Variants in OLFM2 observed in about 807,000 individuals in gnomAD.
OLFM2 encodes the protein olfactomedin 2, also known as noelin-2.
Under a neutral mutation model 43.9 loss-of-function variants are expected in OLFM2, and 20 were observed. The ratio of observed to expected loss-of-function variants is 0.46; its 90% CI spans 0.32 to 0.66. The LOEUF is 0.66. Among genes scored for constraint, OLFM2 ranks in the 30% least tolerant of loss-of-function variants. The probability of loss-of-function intolerance (pLI) is 0.04; values close to 1 mark genes in which losing one functional copy is unlikely to be tolerated. For missense variants in OLFM2, 416 were observed against 643.6 expected (o/e 0.65, Z 3.83); for synonymous variants, 268 against 278.6 (o/e 0.96, Z 0.38).
At chr19:9,927,379 C>T (rs967304028) in intron 1 of OLFM2, among the ~76,000 whole-genome samples, 2 of 152,188 alleles carry the variant, frequency 1.3e-5, no homozygotes, top group African/African-American at 2.4e-5. Flanking sequence ...TTCAAGCTCA[C>T]TTCCCTTCTC....
intron 2 of OLFM2, among the ~76,000 whole-genome samples, chr19:9,858,342 A>G (rs1024286766): frequency 4.1e-5 from 6 of 146,428 alleles, no homozygotes; most frequent in Non-Finnish European, 5.9e-5. Flanking sequence ...TGTTCCCCCA[A>G]GTTCCCATGG....
intron 1 of OLFM2, among the ~76,000 whole-genome samples, chr19:9,900,991 G>GAA (rs78793783): frequency 6.3e-4 from 37 of 58,672 alleles, no homozygotes; most frequent in East Asian, 1.8e-3. Flanking sequence ...AGGAAGGAAG[G>GAA]GAGGGAGGGG....
At chr19:9,934,831 A>AT (rs1377887593) in intron 1 of OLFM2, among the ~76,000 whole-genome samples, 2 of 152,138 alleles carry the variant, frequency 1.3e-5, no homozygotes, top group African/African-American at 4.8e-5. Flanking sequence ...AAATCCTTCT[A>AT]TCTGGAGTCT....
At chr19:9,882,183 T>G (rs905696980) in intron 1 of OLFM2, among the ~76,000 whole-genome samples, 1 of 150,152 alleles carries the variant, frequency 6.7e-6, no homozygotes, top group Non-Finnish European at 1.5e-5. Context: ...AAGGCTGCAG[T>G]GAGCTGTGAT....
At chr19:9,865,485 CTTTTT>C (rs71188847) in intron 1 of OLFM2, among the ~76,000 whole-genome samples, 21 of 73,642 alleles carry the variant, frequency 2.9e-4, no homozygotes, top group South Asian at 6.4e-4. Context: ...TCTGTTTTTT[CTTTTT>C]TTTTTTTTTT....
chr19:9,906,602 G>A (rs904078492), intron 1 of OLFM2, among the ~76,000 whole-genome samples: 4 of 152,140 alleles, frequency 2.6e-5, no homozygotes, highest in African/African-American at 4.8e-5. Flanking sequence ...GGGGAGATGC[G>A]GAAACTCAAA....
At chr19:9,908,118 T>A (rs998913341) in intron 1 of OLFM2, among the ~76,000 whole-genome samples, 5 of 152,006 alleles carry the variant, frequency 3.3e-5, no homozygotes, top group African/African-American at 1.2e-4. Context: ...CTCCTCTCCC[T>A]CTTCCGCTCG....
chr19:9,858,510 C>T (rs1029384783), intron 2 of OLFM2, among the ~76,000 whole-genome samples: 1 of 152,218 alleles, frequency 6.6e-6, no homozygotes, highest in African/African-American at 2.4e-5. Context: ...CCATCTGCCT[C>T]CTTCAGGTGG....
At chr19:9,905,899 G>A (rs142579602) in intron 1 of OLFM2, among the ~76,000 whole-genome samples, 14 of 152,220 alleles carry the variant, frequency 9.2e-5, no homozygotes, top group East Asian at 1.9e-4. Context: ...AAGCCCCATC[G>A]CACCTCAACA....
At chr19:9,900,671 G>A (rs1011297340) in intron 1 of OLFM2, among the ~76,000 whole-genome samples, 3 of 151,536 alleles carry the variant, frequency 2.0e-5, no homozygotes, top group African/African-American at 7.3e-5. Context: ...CAGGAGGGTC[G>A]CTTGAACCTA....
intron 1 of OLFM2, among the ~76,000 whole-genome samples, chr19:9,888,483 G>A (rs1207621334): frequency 6.9e-6 from 1 of 144,778 alleles, no homozygotes; most frequent in Non-Finnish European, 1.5e-5. Context: ...GAGATCATGC[G>A]ACTACACTCC....
intron 1 of OLFM2, among the ~76,000 whole-genome samples, chr19:9,932,799 T>A (rs1294805757): frequency 2.6e-5 from 4 of 152,162 alleles, no homozygotes; most frequent in Non-Finnish European, 5.9e-5. Context: ...AGGCATCTTT[T>A]CCACAAGGAA....
At chr19:9,871,286 T>C (rs2145444519) in intron 1 of OLFM2, among the ~76,000 whole-genome samples, 1 of 132,424 alleles carries the variant, frequency 7.6e-6, no homozygotes, top group East Asian at 2.3e-4. Context: ...AAAAATTATA[T>C]AAAATTCCGG....
At chr19:9,925,263 A>G (rs930998189) in intron 1 of OLFM2, among the ~76,000 whole-genome samples, 8 of 152,140 alleles carry the variant, frequency 5.3e-5, no homozygotes, top group Admixed American at 1.3e-4. Context: ...TCTAAACAAA[A>G]CAAAACAAAA....
chr19:9,891,616 C>CAA (rs1373918070), intron 1 of OLFM2, among the ~76,000 whole-genome samples: 6 of 107,604 alleles, frequency 5.6e-5, no homozygotes, highest in Non-Finnish European at 5.9e-5. Flanking sequence ...GACTCCATCT[C>CAA]AAAAAAAAAA....
intron 1 of OLFM2, among the ~76,000 whole-genome samples, chr19:9,934,872 G>A (rs2145016548): frequency 6.6e-6 from 1 of 152,272 alleles, no homozygotes. Flanking sequence ...CCCCCCTCGG[G>A]GTGAGCACAA....
intron 1 of OLFM2, among the ~76,000 whole-genome samples, chr19:9,924,298 C>T (rs1278892796): frequency 7.0e-6 from 1 of 142,890 alleles, no homozygotes; most frequent in Non-Finnish European, 1.5e-5. Flanking sequence ...CCCAGCTATT[C>T]GGGAAGCTGA....
At chr19:9,916,212 C>T (rs1422868690) in intron 1 of OLFM2, among the ~76,000 whole-genome samples, 3 of 151,968 alleles carry the variant, frequency 2.0e-5, no homozygotes, top group Non-Finnish European at 4.4e-5. Context: ...CAAAAGTTAG[C>T]CGGGTATGGT....
chr19:9,884,276 T>TAAA (rs4044581), intron 1 of OLFM2, among the ~76,000 whole-genome samples: 1 of 130,942 alleles, frequency 7.6e-6, no homozygotes, highest in East Asian at 2.3e-4. Context: ...TCTCAAAAAT[T>TAAA]AAAAAAAAAA....
Sources: gnomAD v4.1 joint callset for allele counts (sites outside exome capture counted in the v4.1 genomes callset) on GRCh38, gnomAD v4.1.1 for gene constraint, MANE v1.5 for transcripts, NCBI Gene and HGNC (gene_info 2026-07-23, HGNC 2026-07-21) for gene names.